LINGO2: variants seen among roughly 807,000 people sequenced by gnomAD.
The protein encoded by LINGO2 is leucine rich repeat and Ig domain containing 2, also known as leucine-rich repeat and immunoglobulin-like domain-containing nogo receptor-interacting protein 2.
In LINGO2, 14 loss-of-function variants were observed where a neutral mutation model predicts 30.6. The observed-to-expected ratio is 0.46, with a 90% CI of 0.30 to 0.72. LINGO2 has a LOEUF of 0.72. Among genes scored for constraint, LINGO2 ranks in the 30% least tolerant of loss-of-function variants. The probability of loss-of-function intolerance (pLI) is 0.07; values close to 1 mark genes in which losing one functional copy is unlikely to be tolerated. For synonymous variants in LINGO2, 317 were observed against 288.5 expected (o/e 1.10, Z -1.00); for missense variants, 729 against 751.7 (o/e 0.97, Z 0.35).
intron 3 of LINGO2, among the ~76,000 whole-genome samples, chr9:28,365,081 G>T (rs1341593434): frequency 6.6e-6 from 1 of 152,160 alleles, no homozygotes; most frequent in African/African-American, 2.4e-5. Context: ...TGTCTTGGGA[G>T]CACAGAGGGA....
chr9:29,213,528 GC>G, the LINGO2 span, among the ~76,000 whole-genome samples: 2 of 152,082 alleles, frequency 1.3e-5, no homozygotes, highest in Non-Finnish European at 2.9e-5. Flanking sequence ...TGAGGAGGCG[GC>G]TGCAAGGCGG....
chr9:28,124,262 C>T (rs890584303), intron 4 of LINGO2, among the ~76,000 whole-genome samples: 4 of 152,246 alleles, frequency 2.6e-5, no homozygotes, highest in Middle Eastern at 6.8e-3. Context: ...TACCTTATTT[C>T]GTTAAGAAGA....
chr9:28,554,229 T>G (rs202058758), intron 1 of LINGO2, among the ~76,000 whole-genome samples: 2 of 151,320 alleles, frequency 1.3e-5, no homozygotes, highest in African/African-American at 2.4e-5. Context: ...TCAAGACCCA[T>G]CAGTGTGCTG....
chr9:28,171,339 C>G (rs1828576005), intron 4 of LINGO2, among the ~76,000 whole-genome samples: 1 of 152,166 alleles, frequency 6.6e-6, no homozygotes, highest in Admixed American at 6.5e-5. Context: ...CTATTCATTA[C>G]TAAACCTAGC....
At chr9:28,767,850 C>G in the LINGO2 span, among the ~76,000 whole-genome samples, 2 of 150,722 alleles carry the variant, frequency 1.3e-5, no homozygotes, top group East Asian at 3.9e-4. Context: ...ATTTTCTCCT[C>G]CATCTCTTTC....
chr9:28,073,439 T>C (rs1587811545), intron 4 of LINGO2, among the ~76,000 whole-genome samples: 1 of 152,168 alleles, frequency 6.6e-6, no homozygotes, highest in African/African-American at 2.4e-5. Context: ...AAAACTCTTT[T>C]AGGTTAGTTC....
At chr9:28,911,264 A>G in the LINGO2 span, among the ~76,000 whole-genome samples, 2 of 152,080 alleles carry the variant, frequency 1.3e-5, no homozygotes, top group Non-Finnish European at 2.9e-5. Flanking sequence ...TATTCTTCAT[A>G]TATTTGTATA....
rs529874460 is a variant in LINGO2 at position 28,485,541 on chromosome 9, C to G, written c.-364-9516G>C. On this transcript the variant is annotated intron_variant, in intron 1 of 5. Transcript: ENST00000379992. ...TAGCCTGAAGAGATGAAAAATACCT[C>G]ATGAAGGATATATAAGGAGACAGTA... 5.3e-5 allele frequency among the ~76,000 whole-genome samples: 8 copies of G among 152,138 alleles called. No individual in the cohort carries two copies. The South Asian group carries it at 1.5e-3, about 28-fold the overall frequency.
At chr9:28,966,880 G>A in the LINGO2 span, among the ~76,000 whole-genome samples, 1 of 151,864 alleles carries the variant, frequency 6.6e-6, no homozygotes, top group Non-Finnish European at 1.5e-5. Flanking sequence ...GAGGTAGGGG[G>A]TACACTTTTA....
chr9:28,611,625 T>C (rs1179894295), intron 1 of LINGO2, among the ~76,000 whole-genome samples: 1 of 152,112 alleles, frequency 6.6e-6, no homozygotes, highest in African/African-American at 2.4e-5. Context: ...CATATATAAG[T>C]AGAATCATGT....
chr9:28,492,142 C>G (rs923118041), intron 1 of LINGO2, among the ~76,000 whole-genome samples: 1 of 152,120 alleles, frequency 6.6e-6, no homozygotes, highest in African/African-American at 2.4e-5. Context: ...CCCGTGATTC[C>G]TAATAGAAAA....
chr9:28,274,558 T>G (rs1412273374), intron 4 of LINGO2, among the ~76,000 whole-genome samples: 2 of 152,216 alleles, frequency 1.3e-5, no homozygotes, highest in African/African-American at 4.8e-5. Flanking sequence ...ATTAGATTTA[T>G]CTATCAATTA....
the LINGO2 span, among the ~76,000 whole-genome samples, chr9:28,901,239 G>A: frequency 2.0e-5 from 3 of 151,976 alleles, no homozygotes; most frequent in Admixed American, 6.6e-5. Flanking sequence ...AAACGAAGGA[G>A]ATATAAAGAC....
chr9:28,574,539 G>A (rs772697812), intron 1 of LINGO2, among the ~76,000 whole-genome samples: 2 of 152,162 alleles, frequency 1.3e-5, no homozygotes, highest in African/African-American at 2.4e-5. Context: ...AGTTATTGAA[G>A]CCAAAACTGA....
chr9:28,487,399 T>C (rs1455208527), intron 1 of LINGO2, among the ~76,000 whole-genome samples: 1 of 152,174 alleles, frequency 6.6e-6, no homozygotes, highest in Admixed American at 6.6e-5. Context: ...TGAATAAGCC[T>C]GATATGATTG....
the LINGO2 span, among the ~76,000 whole-genome samples, chr9:29,014,521 T>C: frequency 6.6e-6 from 1 of 152,010 alleles, no homozygotes; most frequent in African/African-American, 2.4e-5. Context: ...AGTAAGTGAT[T>C]GAGAGAAAAA....
chr9:28,677,692 C>T, the LINGO2 span, among the ~76,000 whole-genome samples: 1 of 152,138 alleles, frequency 6.6e-6, no homozygotes, highest in Non-Finnish European at 1.5e-5. Flanking sequence ...TATTCATATT[C>T]ATTAAAGCCC....
chr9:28,233,015 G>A (rs560675791), intron 4 of LINGO2, among the ~76,000 whole-genome samples: 51 of 111,406 alleles, frequency 4.6e-4, no homozygotes, highest in African/African-American at 1.9e-3. Context: ...CTTCTCATGA[G>A]AGAGACAGTA....
At chr9:28,605,508 T>C (rs1825660909) in intron 1 of LINGO2, among the ~76,000 whole-genome samples, 1 of 152,040 alleles carries the variant, frequency 6.6e-6, no homozygotes, top group South Asian at 2.1e-4. Context: ...AATGTAACTA[T>C]TTATATAAAT....
Sources: gnomAD v4.1 joint callset for allele counts (sites outside exome capture counted in the v4.1 genomes callset) on GRCh38, gnomAD v4.1.1 for gene constraint, MANE v1.5 for transcripts, NCBI Gene and HGNC (gene_info 2026-07-23, HGNC 2026-07-21) for gene names.